The following ANAPC7 variants were observed in gnomAD, a reference collection of about 807,000 sequenced individuals.
The protein encoded by ANAPC7 is anaphase promoting complex subunit 7.
Under a neutral mutation model 63.3 loss-of-function variants are expected in ANAPC7, and 25 were observed. The observed-to-expected ratio is 0.39, with a 90% CI of 0.29 to 0.55. ANAPC7 has a LOEUF of 0.55. Ranked by LOEUF, ANAPC7 falls within the 20% of genes least tolerant of loss-of-function variation. ANAPC7 has a pLI of 0.57. For missense variants in ANAPC7, 516 were observed against 691.7 expected, an observed-to-expected ratio of 0.75 and a Z score of 2.85; for synonymous variants, 241 against 251.7, an observed-to-expected ratio of 0.96 and a Z score of 0.40.
At position 110,374,734 on chromosome 12, in the gene ANAPC7, C is replaced by T. The variant is rs575808541; in HGVS notation, c.1509-401G>A. On this transcript the variant is annotated intron_variant, in intron 10 of 10. Transcript: ENST00000455511. The stretch of plus-strand genomic sequence containing the variant: ...ACAGGGTTACAAAAAATAGGAATTT[C>T]TCTGAGTATAGGTGTCCCATGTTCT... Among the ~76,000 whole-genome samples the T allele has an allele frequency of 6.4e-4, 98 of 152,150 alleles. 2 individuals carry two copies. The highest frequency in any genetic ancestry group is 1.3e-4 in the Non-Finnish European group (9 of 68,042).
chr12:110,384,920 C>T (rs1437722025), intron 6 of ANAPC7, among the ~76,000 whole-genome samples: 1 of 152,114 alleles, frequency 6.6e-6, no homozygotes, highest in Admixed American at 6.6e-5. Context: ...AAAAGTTGGC[C>T]TATTCCAGAA....
intron 1 of ANAPC7, among the ~76,000 whole-genome samples, chr12:110,397,032 T>C (rs1328720687): frequency 6.9e-6 from 1 of 144,450 alleles, no homozygotes; most frequent in Non-Finnish European, 1.5e-5. Context: ...TGAAACCCCA[T>C]CTCTACTAAA....
chr12:110,388,058 C>CAA (rs1882771720), intron 4 of ANAPC7, among the ~76,000 whole-genome samples, 166 bp from the exon 5 acceptor site: 2 of 152,178 alleles, frequency 1.3e-5, no homozygotes, highest in African/African-American at 4.8e-5. Context: ...CTTTTTGAGA[C>CAA]AGTGTCTTGT....
chr12:110,386,502 A>G, intron 5 of ANAPC7, 33 bp from the exon 6 acceptor site: 1 of 1,561,196 alleles, frequency 6.4e-7, no homozygotes, highest in Non-Finnish European at 8.8e-7. Context: ...TGAACCTTTA[A>G]ATCTATTATA....
chr12:110,388,624 C>G lies in ANAPC7; in HGVS notation c.409-1G>C. The G allele has an allele frequency of 6.2e-7, 1 of 1,610,186 alleles. No individual in the cohort carries two copies. On this transcript the variant is annotated splice_acceptor_variant, in intron 3 of 10. Coordinates refer to ENST00000455511, the MANE Select transcript of ANAPC7 (RefSeq NM_016238.3). LOFTEE classifies it high-confidence loss of function. ...ACAGGTTTGCCAGCATCATGTTTAT[C>G]TGTACAAACACAAATAACAGATAGC...
rs140956581 is a variant in ANAPC7, at chr12:110,382,913, C to T, written c.865G>A (p.Asp289Asn). ...YLLAREGRLE[D>N]VENLGCRLFN... ...AGGCGGCATCCAAGGTTCTCAACAT[C>T]CTCTAGCCGCCCTTCTCGTGCCAGT... Residue 289 changes from aspartate (D) to asparagine (N), a missense_variant, in exon 7 of 11, where the codon GAT becomes AAT. Physicochemically the swap from Asp to Asn is conservative, Grantham distance 23. This residue lies in a region of ANAPC7 where 199 missense variants were observed against 249.3 expected (regional missense o/e 0.80). Coordinates refer to ENST00000455511, the MANE Select transcript of ANAPC7 (RefSeq NM_016238.3). 1.1e-4 allele frequency: 181 copies of T among 1,614,008 alleles called. No homozygotes were observed. In the Middle Eastern group the frequency reaches 2.3e-3, roughly 21 times the overall value.
intron 10 of ANAPC7, among the ~76,000 whole-genome samples, chr12:110,375,261 A>G (rs911185806): frequency 6.6e-6 from 1 of 152,130 alleles, no homozygotes; most frequent in Admixed American, 6.6e-5. Context: ...ACAGACTACT[A>G]TGAAAGCCCT....
intron 1 of ANAPC7, among the ~76,000 whole-genome samples, chr12:110,402,962 G>C (rs141246304): frequency 0.012 from 1,773 of 150,566 alleles, 51 homozygotes; most frequent in African/African-American, 0.041. Context: ...GGTTGGTCTT[G>C]AACTCCTGGG....
At chr12:110,392,792 GTTTGTTTT>G (rs1342392812) in intron 3 of ANAPC7, among the ~76,000 whole-genome samples, 4 of 151,902 alleles carry the variant, frequency 2.6e-5, no homozygotes, top group East Asian at 1.9e-4. Context: ...ATCTTTTTTT[GTTTGTTTT>G]TTTGTTTTTT....
At chr12:110,376,413 C>CA (rs1453298910) in intron 9 of ANAPC7, among the ~76,000 whole-genome samples, 197 bp from the exon 10 acceptor site, 1 of 151,088 alleles carries the variant, frequency 6.6e-6, no homozygotes, top group Non-Finnish European at 1.5e-5. Flanking sequence ...ACTAAAAATA[C>CA]AAAAAATTAG....
chr12:110,383,034 C>A, intron 6 of ANAPC7, 74 bp from the exon 7 acceptor site: 1 of 1,141,538 alleles, frequency 8.8e-7, no homozygotes. Flanking sequence ...GGAGTAGCAC[C>A]CAACATCAGA....
In ANAPC7 at chr12:110,376,104, C is replaced by T. The variant is rs752662978; in HGVS notation, c.1470G>A (p.Glu490=). The T allele has an allele frequency of 3.1e-6, 5 of 1,614,114 alleles. No individual in the cohort carries two copies. Among genetic ancestry groups the T allele is most frequent in the South Asian group, 1.1e-5 (1 of 91,082 alleles). Residue 490 remains glutamate (E), a synonymous_variant, in exon 10 of 11, where the codon GAG becomes GAA. Transcript: ENST00000455511. Reference sequence around the variant, plus strand: ...TATACTGGTCCATTGCCTCCTGATACTCATTGACAGCTACAAGGAAATCTC... The same window carrying T: ...TATACTGGTCCATTGCCTCCTGATATTCATTGACAGCTACAAGGAAATCTC... ...ILGDFLVAVN[E]YQEAMDQYSI... is the part of the protein sequence containing the mutation.
intron 7 of ANAPC7, 146 bp downstream of exon 7, chr12:110,382,697 A>C (rs1882055249): frequency 3.3e-6 from 2 of 608,198 alleles, no homozygotes; most frequent in Non-Finnish European, 5.5e-6. Flanking sequence ...AGTCTCCCAA[A>C]GTGTTGAGAT....
chr12:110,380,460 G>C (rs542322727), intron 8 of ANAPC7, among the ~76,000 whole-genome samples: 4 of 151,886 alleles, frequency 2.6e-5, no homozygotes, highest in Non-Finnish European at 5.9e-5. Flanking sequence ...AGACCAGCCT[G>C]GCCAACATGG....
At chr12:110,401,933 A>T (rs886182995) in intron 1 of ANAPC7, among the ~76,000 whole-genome samples, 3 of 138,238 alleles carry the variant, frequency 2.2e-5, no homozygotes, top group African/African-American at 8.3e-5. Context: ...AAGATCGTGC[A>T]GAGCGAGACT....
intron 10 of ANAPC7, chr12:110,375,555 T>C: frequency 1.2e-6 from 1 of 827,806 alleles, no homozygotes; most frequent in Non-Finnish European, 1.5e-6. Flanking sequence ...GAAATAATCA[T>C]TTAACCCTCA....
chr12:110,382,033 T>C (rs1250841294), intron 7 of ANAPC7, 85 bp from the exon 8 acceptor site: 2 of 1,281,868 alleles, frequency 1.6e-6, no homozygotes, highest in Non-Finnish European at 2.1e-6. Context: ...CCAAAAATCA[T>C]ATTGAAGGCC....
At chr12:110,390,847 C>T (rs1451029535) in intron 3 of ANAPC7, among the ~76,000 whole-genome samples, 1 of 152,142 alleles carries the variant, frequency 6.6e-6, no homozygotes, top group African/African-American at 2.4e-5. Flanking sequence ...TTCCTTTAAG[C>T]TACTTGACTG....
intron 5 of ANAPC7, chr12:110,387,496 G>T (rs1882721866): frequency 3.2e-6 from 1 of 314,372 alleles, no homozygotes; most frequent in Admixed American, 5.0e-5. Context: ...TGCTTTGCAA[G>T]GGTTACTACC....
Sources: gnomAD v4.1 joint callset for allele counts (sites outside exome capture counted in the v4.1 genomes callset) on GRCh38, gnomAD v4.1.1 for gene constraint, gnomAD v4.1.1 regional missense constraint, MANE v1.5 for transcripts, NCBI Gene and HGNC (gene_info 2026-07-23, HGNC 2026-07-21) for gene names.